Variants in RHBDD1 observed in about 807,000 individuals in gnomAD.
RHBDD1 encodes the protein rhomboid domain containing 1, also known as rhomboid-related protein 4.
Under a neutral mutation model 36.3 loss-of-function variants are expected in RHBDD1, and 38 were observed. The ratio of observed to expected loss-of-function variants is 1.05; its 90% CI spans 0.81 to 1.37. The LOEUF (loss-of-function observed/expected upper bound fraction) is 1.37. Among genes scored for constraint, RHBDD1 ranks in the 40% most tolerant of loss-of-function variants. The probability of loss-of-function intolerance (pLI) is 0.00; values close to 1 mark genes in which losing one functional copy is unlikely to be tolerated. For missense variants in RHBDD1, 393 were observed against 377.6 expected (o/e 1.04, Z -0.34); for synonymous variants, 151 against 136.5 (o/e 1.11, Z -0.74).
intron 8 of RHBDD1, among the ~76,000 whole-genome samples, chr2:226,955,592 G>A (rs1236682757): frequency 6.6e-6 from 1 of 152,200 alleles, no homozygotes; most frequent in African/African-American, 2.4e-5. Context: ...AAATACCAAA[G>A]ACTGGGTGGC....
chr2:226,965,247 A>G (rs1410143164), intron 8 of RHBDD1, among the ~76,000 whole-genome samples: 6 of 152,210 alleles, frequency 3.9e-5, no homozygotes, highest in Non-Finnish European at 7.3e-5. Flanking sequence ...AAGGATGGCC[A>G]GCACCACCCA....
chr2:226,893,137 A>G (rs1268926890), intron 5 of RHBDD1, among the ~76,000 whole-genome samples: 6 of 152,284 alleles, frequency 3.9e-5, no homozygotes, highest in South Asian at 4.2e-4. Context: ...ACAAAGATCA[A>G]TAAGTCAGAG....
intron 8 of RHBDD1, among the ~76,000 whole-genome samples, chr2:226,987,366 C>T (rs113968067): frequency 0.012 from 1,771 of 152,176 alleles, 19 homozygotes; most frequent in Non-Finnish European, 0.019. Flanking sequence ...GATGGGAGGA[C>T]GGCACTGAAG....
At chr2:226,994,151 T>C (rs566329744) in intron 8 of RHBDD1, among the ~76,000 whole-genome samples, 2 of 152,306 alleles carry the variant, frequency 1.3e-5, no homozygotes, top group East Asian at 3.9e-4. Context: ...GGCAATGAGT[T>C]GTGTCAGAAC....
rs1024015254 is a variant in RHBDD1 at position 226,886,004 on chromosome 2, C to T, written c.566+18686C>T. Among the ~76,000 whole-genome samples the T allele has an allele frequency of 1.5e-3, 235 of 152,254 alleles. 3 individuals carry two copies. Among genetic ancestry groups the T allele is most frequent in the Non-Finnish European group, 9.3e-4 (63 of 68,022 alleles). The stretch of plus-strand genomic sequence containing the variant: ...AGCAAGACAGCGTGAGATTTCATCA[C>T]AGTACTCAGAACAGTGTGTGATATA... On this transcript the variant is annotated intron_variant, in intron 5 of 8. Coordinates refer to ENST00000392062, the MANE Select transcript of RHBDD1 (RefSeq NM_001167608.3).
chr2:226,917,774 TA>T (rs1949018063), intron 8 of RHBDD1, among the ~76,000 whole-genome samples: 1 of 152,098 alleles, frequency 6.6e-6, no homozygotes, highest in Admixed American at 6.5e-5. Flanking sequence ...CAAAAGTATG[TA>T]GAACTTGTTT....
At chr2:226,897,891 A>G (rs1053003411) in intron 5 of RHBDD1, among the ~76,000 whole-genome samples, 4 of 152,176 alleles carry the variant, frequency 2.6e-5, no homozygotes, top group African/African-American at 9.7e-5. Flanking sequence ...AGGCAGGAGA[A>G]TCACTTGAAC....
chr2:226,907,473 C>T (rs1460812674), intron 6 of RHBDD1, among the ~76,000 whole-genome samples: 1 of 152,046 alleles, frequency 6.6e-6, no homozygotes, highest in Non-Finnish European at 1.5e-5. Context: ...TTTTTTAGAC[C>T]TCTTAATTTT....
At chr2:226,835,392 G>C (rs1038701391), upstream of RHBDD1, among the ~76,000 whole-genome samples, 1 of 152,100 alleles carries the variant, frequency 6.6e-6, no homozygotes, top group African/African-American at 2.4e-5. Flanking sequence ...CCTCAAAATG[G>C]GCAAACGTTG....
At chr2:226,963,224 A>G (rs906202252) in intron 8 of RHBDD1, among the ~76,000 whole-genome samples, 33 of 152,180 alleles carry the variant, frequency 2.2e-4, no homozygotes, top group African/African-American at 8.0e-4. Context: ...TAGAACACTT[A>G]TAGCAGCTGT....
chr2:226,850,741 T>G (rs1342159515), intron 3 of RHBDD1, among the ~76,000 whole-genome samples: 1 of 152,162 alleles, frequency 6.6e-6, no homozygotes, highest in Non-Finnish European at 1.5e-5. Flanking sequence ...TGAGGTCCCT[T>G]GTAGATTCCA....
intron 8 of RHBDD1, among the ~76,000 whole-genome samples, chr2:226,987,838 A>G (rs954881598): frequency 1.3e-5 from 2 of 152,228 alleles, no homozygotes; most frequent in African/African-American, 2.4e-5. Flanking sequence ...TCCAACCACC[A>G]CTTACTGCAT....
chr2:226,885,060 C>G (rs1054555172), intron 5 of RHBDD1, among the ~76,000 whole-genome samples: 2 of 152,034 alleles, frequency 1.3e-5, no homozygotes, highest in African/African-American at 2.4e-5. Context: ...CTATCAGTGG[C>G]TAATAAATGT....
At chr2:226,978,978 G>T (rs560972581) in intron 8 of RHBDD1, among the ~76,000 whole-genome samples, 1 of 152,298 alleles carries the variant, frequency 6.6e-6, no homozygotes, top group East Asian at 1.9e-4. Context: ...GAAACCAATA[G>T]GATGTAGGTA....
chr2:226,902,117 TCC>T (rs2125597340), intron 5 of RHBDD1, among the ~76,000 whole-genome samples: 1 of 152,304 alleles, frequency 6.6e-6, no homozygotes, highest in African/African-American at 2.4e-5. Context: ...AGGAAGTTGT[TCC>T]TAGTTGCAGG....
the RHBDD1 span, among the ~76,000 whole-genome samples, chr2:226,815,744 C>T: frequency 6.6e-6 from 1 of 152,120 alleles, no homozygotes; most frequent in Non-Finnish European, 1.5e-5. Flanking sequence ...AGAGTGGCCA[C>T]TATATTTGTT....
chr2:226,866,511 C>T (rs117397348), intron 4 of RHBDD1, among the ~76,000 whole-genome samples: 5 of 152,298 alleles, frequency 3.3e-5, no homozygotes, highest in South Asian at 4.1e-4. Context: ...AGCTCGGAAG[C>T]GATGGAGCTG....
the RHBDD1 span, among the ~76,000 whole-genome samples, chr2:226,818,320 T>A: frequency 6.7e-6 from 1 of 150,334 alleles, no homozygotes; most frequent in African/African-American, 2.4e-5. Flanking sequence ...CCACCACACC[T>A]GGCTAATTTT....
intron 8 of RHBDD1, among the ~76,000 whole-genome samples, chr2:226,950,412 G>A (rs557177302): frequency 1.5e-4 from 23 of 152,294 alleles, no homozygotes; most frequent in African/African-American, 4.1e-4. Flanking sequence ...TATTCATTGT[G>A]TATATGTTAC....
Sources: allele counts gnomAD v4.1 joint callset (sites outside exome capture counted in the v4.1 genomes callset), GRCh38; gene constraint gnomAD v4.1.1; transcripts MANE v1.5; gene names NCBI Gene and HGNC (gene_info 2026-07-23, HGNC 2026-07-21).